Variants in SUV39H2 observed in about 807,000 individuals in gnomAD.
The protein encoded by SUV39H2 is histone-lysine N-methyltransferase SUV39H2.
In SUV39H2, 10 loss-of-function variants were observed where a neutral mutation model predicts 47.5. The observed-to-expected ratio is 0.21, with a 90% CI of 0.13 to 0.36. The LOEUF is 0.36. Among genes scored for constraint, SUV39H2 ranks in the 10% least tolerant of loss-of-function variants. The pLI, the probability that SUV39H2 is intolerant of heterozygous loss-of-function variation, is 1.00. For synonymous variants in SUV39H2, 159 were observed against 166.8 expected, an observed-to-expected ratio of 0.95 and a Z score of 0.36; for missense variants, 266 against 487.4, an observed-to-expected ratio of 0.55 and a Z score of 4.28.
chr10:14,890,077 G>A (rs957910673), intron 2 of SUV39H2, among the ~76,000 whole-genome samples: 2 of 152,158 alleles, frequency 1.3e-5, no homozygotes, highest in Admixed American at 6.5e-5. Flanking sequence ...TCTATATGGC[G>A]TGGCACAAAT....
rs962815467 is a variant in SUV39H2 at position 14,897,067 on chromosome 10, A to T, written c.399A>T (p.Gln133His). Residue 133 changes from glutamine (Q) to histidine (H), a missense_variant, in exon 3 of 6, where the codon CAA becomes CAT. Gln to His is a conservative substitution (Grantham distance 24, BLOSUM62 0). Around this residue, in one of 4 missense-constraint regions of SUV39H2, gnomAD observed 91 missense variants for 110.9 expected, o/e 0.82. Coordinates refer to ENST00000354919, the MANE Select transcript of SUV39H2 (RefSeq NM_001193424.2). ...AGTACATTGTGAAGAAGGCTAAACA[A>T]AGGATAGCTCTGCAGAGATGGCAAG... ...IAEYIVKKAKQRIALQRWQDE... is the reference protein window; with the variant it reads ...IAEYIVKKAKHRIALQRWQDE... 2.5e-6 allele frequency: 4 copies of T among 1,614,094 alleles called. No homozygotes were observed. The highest frequency in any genetic ancestry group is 3.4e-6 in the Non-Finnish European group (4 of 1,180,018).
intron 2 of SUV39H2, among the ~76,000 whole-genome samples, chr10:14,893,140 A>G (rs1833448093): frequency 6.7e-6 from 1 of 150,190 alleles, no homozygotes; most frequent in South Asian, 2.1e-4. Flanking sequence ...AGTAGCTGGG[A>G]CTACAGGCGC....
chr10:14,899,739 GT>G (rs1209301562), intron 4 of SUV39H2, 54 bp downstream of exon 4: 3 of 1,579,668 alleles, frequency 1.9e-6, no homozygotes, highest in Non-Finnish European at 2.6e-6. Context: ...CCTAGTACTA[GT>G]TTCCATAGCT....
At chr10:14,881,085 GAT>G (rs1398429797) in intron 1 of SUV39H2, among the ~76,000 whole-genome samples, 1 of 152,142 alleles carries the variant, frequency 6.6e-6, no homozygotes, top group Non-Finnish European at 1.5e-5. Flanking sequence ...GTATATTTTA[GAT>G]ATGTTTTTAA....
intron 2 of SUV39H2, among the ~76,000 whole-genome samples, chr10:14,887,998 C>G (rs1233075686): frequency 1.3e-5 from 2 of 152,146 alleles, no homozygotes; most frequent in Non-Finnish European, 2.9e-5. Flanking sequence ...TGGAACAGAG[C>G]AAGTAAGAGG....
chr10:14,900,542 C>G (rs1234215801), intron 4 of SUV39H2, among the ~76,000 whole-genome samples: 1 of 152,184 alleles, frequency 6.6e-6, no homozygotes, highest in Non-Finnish European at 1.5e-5. Context: ...TCGAGATACT[C>G]TCAAAATAGA....
chr10:14,882,677 A>G (rs1161426552), intron 2 of SUV39H2, among the ~76,000 whole-genome samples: 1 of 151,994 alleles, frequency 6.6e-6, no homozygotes, highest in Non-Finnish European at 1.5e-5. Context: ...TCCAACTTGG[A>G]TTACTTTTCT....
chr10:14,891,035 C>T (rs2131685349), intron 2 of SUV39H2, among the ~76,000 whole-genome samples: 1 of 152,282 alleles, frequency 6.6e-6, no homozygotes, highest in Non-Finnish European at 1.5e-5. Context: ...AATAAGATTC[C>T]ATCCCTTCCC....
At chr10:14,896,062 C>G (rs1833588411) in intron 2 of SUV39H2, among the ~76,000 whole-genome samples, 1 of 151,884 alleles carries the variant, frequency 6.6e-6, no homozygotes, top group Admixed American at 6.6e-5. Flanking sequence ...TCATGCCTCA[C>G]CCTCCCTAGT....
chr10:14,900,621 A>G (rs1157812480), intron 4 of SUV39H2, among the ~76,000 whole-genome samples: 1 of 152,178 alleles, frequency 6.6e-6, no homozygotes. Context: ...TTTTTCTTGC[A>G]TATTCCGTAA....
chr10:14,887,407 A>G (rs979975676), intron 2 of SUV39H2, among the ~76,000 whole-genome samples: 1 of 152,182 alleles, frequency 6.6e-6, no homozygotes, highest in Non-Finnish European at 1.5e-5. Flanking sequence ...AGTAGGAACT[A>G]GATTGGGTTT....
chr10:14,886,187 A>G (rs139706668), intron 2 of SUV39H2, among the ~76,000 whole-genome samples: 1 of 152,328 alleles, frequency 6.6e-6, no homozygotes, highest in Non-Finnish European at 1.5e-5. Context: ...TGCCTTGAAC[A>G]TATCATGCAC....
At chr10:14,882,750 G>A (rs1489302313) in intron 2 of SUV39H2, among the ~76,000 whole-genome samples, 2 of 152,048 alleles carry the variant, frequency 1.3e-5, no homozygotes, top group African/African-American at 4.8e-5. Flanking sequence ...ATGAAAAATA[G>A]GATCTTTCAT....
At chr10:14,899,270 T>TG in intron 3 of SUV39H2, 1 of 702,222 alleles carries the variant, frequency 1.4e-6, no homozygotes, top group South Asian at 1.5e-5. Flanking sequence ...CAGGGAGTCA[T>TG]GATGGCACCA....
Position 14,902,942 on chromosome 10 carries a change from T to C in SUV39H2, c.*430T>C, listed in dbSNP as rs1834121913. On this transcript the variant is annotated 3_prime_UTR_variant, in exon 6 of 6. Transcript: ENST00000354919. ...ATCTACAGTTCTGTTTTTGCTACTC[T>C]ATTGTCATTCCTGTTTAATACTCAC... is the stretch of plus-strand genomic sequence containing the variant. 2 of 153,340 alleles carry C rather than the reference T, an allele frequency of 1.3e-5. No individual in the cohort carries two copies. The highest frequency in any genetic ancestry group is 1.3e-4 in the Admixed American group (2 of 15,482). 9.5% of individuals were successfully genotyped at this position (153,340 alleles called of 1,614,324 possible).
intron 3 of SUV39H2, 64 bp downstream of exon 3, chr10:14,897,581 C>G (rs1833675014): frequency 1.5e-6 from 2 of 1,321,384 alleles, no homozygotes; most frequent in Admixed American, 5.3e-5. Context: ...GGAAAATTAC[C>G]TTTTTATCTC....
At chr10:14,879,111 C>G in intron 1 of SUV39H2, 192 bp downstream of exon 1, 1 of 1,266,518 alleles carries the variant, frequency 7.9e-7, no homozygotes, top group Non-Finnish European at 9.9e-7. Context: ...CCTGCCCGGC[C>G]GGCTCCCGCC....
At position 14,897,532 on chromosome 10, in the gene SUV39H2, C is replaced by T. The variant is rs528402642; in HGVS notation, c.849+15C>T. The T allele has an allele frequency of 1.3e-6, 2 of 1,500,122 alleles. No homozygotes were observed. Among genetic ancestry groups the T allele is most frequent in the African/African-American group, 1.4e-5 (1 of 71,884 alleles). 92.9% of individuals were successfully genotyped at this position (1,500,122 alleles called of 1,614,324 possible). A position where few individuals can be genotyped will look rare whatever the true frequency, so the allele number is the denominator to read the frequency against. On this transcript the variant is annotated intron_variant, in intron 3 of 5. Transcript: ENST00000354919. ...ATGTTGGAGAGGTATGTTTCATTTG[C>T]CACGTAGTAAATGATGGACATGCAA...
rs774577075 is a variant in SUV39H2 at position 14,901,277 on chromosome 10, TAC to T, written c.1126+17_1126+18del. ...TCAAATGAAAGGTATGCTTTTCAAG[TAC>T]AGTTTCATTGGTGTCAGTTTCAATA... is the stretch of plus-strand genomic sequence containing the variant. On this transcript the variant is annotated intron_variant, in intron 5 of 5. Transcript: ENST00000354919. 4.3e-6 allele frequency: 7 copies of T among 1,613,356 alleles called. No homozygotes were observed. Among genetic ancestry groups the T allele is most frequent in the Non-Finnish European group, 5.9e-6 (7 of 1,179,564 alleles).
Sources: gnomAD v4.1 joint callset for allele counts (sites outside exome capture counted in the v4.1 genomes callset) on GRCh38, gnomAD v4.1.1 for gene constraint, gnomAD v4.1.1 regional missense constraint, MANE v1.5 for transcripts, NCBI Gene and HGNC (gene_info 2026-07-23, HGNC 2026-07-21) for gene names.